ACOT13: variants seen among roughly 807,000 people sequenced by gnomAD.
The protein encoded by ACOT13 is acyl-CoA thioesterase 13.
A neutral mutation model predicts 11.8 loss-of-function variants in ACOT13; 10 were observed. The ratio of observed to expected loss-of-function variants is 0.85; its 90% CI spans 0.53 to 1.44. The LOEUF (loss-of-function observed/expected upper bound fraction) is 1.44, where lower values mean the gene tolerates loss of function less well. Among genes scored for constraint, ACOT13 ranks in the 40% most tolerant of loss-of-function variants. The pLI is 0.00. For synonymous variants in ACOT13, 53 were observed against 61.0 expected (o/e 0.87, Z 0.61); for missense variants, 172 against 174.1 (o/e 0.99, Z 0.07).
intron 1 of ACOT13, among the ~76,000 whole-genome samples, chr6:24,692,312 G>C (rs1426309590): frequency 6.6e-6 from 1 of 152,130 alleles, no homozygotes; most frequent in Non-Finnish European, 1.5e-5. Flanking sequence ...TTGTAGTTAG[G>C]TCATAGTTGA....
chr6:24,667,294 G>A lies in ACOT13; in HGVS notation c.31G>A (p.Val11Met), dbSNP rs1465630472. The A allele has an allele frequency of 6.2e-7, 1 of 1,614,126 alleles. No individual in the cohort carries two copies. Among genetic ancestry groups the A allele is most frequent in the African/African-American group, 1.3e-5 (1 of 74,954 alleles). The change falls in exon 1 of 3, where the codon GTG (valine) becomes ATG (methionine). Residue 11 changes from valine to methionine, a missense_variant. Val to Met is a conservative substitution (Grantham distance 21). Coordinates refer to ENST00000230048, the MANE Select transcript of ACOT13 (RefSeq NM_018473.4). ...CAGCATGACTCAGTCTCTGCGGGAG[G>A]TGATAAAGGCCATGACCAAGGCTCG... MTSMTQSLRE[V>M]IKAMTKARNF...
intron 1 of ACOT13, among the ~76,000 whole-genome samples, chr6:24,668,726 C>T (rs1424906445): frequency 6.6e-6 from 1 of 152,212 alleles, no homozygotes; most frequent in Non-Finnish European, 1.5e-5. Context: ...TATATGCAAA[C>T]GAAGACGTGG....
chr6:24,691,521 A>G (rs538391503), intron 1 of ACOT13, among the ~76,000 whole-genome samples: 7 of 152,268 alleles, frequency 4.6e-5, no homozygotes, highest in African/African-American at 1.7e-4. Flanking sequence ...TTGGTGCAGG[A>G]GAACTTAAAT....
At chr6:24,669,091 T>C (rs1778316173) in intron 1 of ACOT13, among the ~76,000 whole-genome samples, 1 of 152,238 alleles carries the variant, frequency 6.6e-6, no homozygotes, top group Non-Finnish European at 1.5e-5. Context: ...CTAAACCTTG[T>C]GAACCCCAAA....
intron 1 of ACOT13, among the ~76,000 whole-genome samples, chr6:24,693,405 G>T (rs1357710805): frequency 1.3e-5 from 2 of 152,208 alleles, no homozygotes; most frequent in African/African-American, 4.8e-5. Flanking sequence ...GTGGTGAGCT[G>T]CATAGCAGCC....
chr6:24,690,254 A>T (rs1329221058), intron 1 of ACOT13, among the ~76,000 whole-genome samples: 2 of 152,208 alleles, frequency 1.3e-5, no homozygotes, highest in Non-Finnish European at 2.9e-5. Flanking sequence ...CAATTGCAAA[A>T]ATTCTACACA....
intron 1 of ACOT13, among the ~76,000 whole-genome samples, chr6:24,677,880 CCCTTGTG>C (rs1778482395): frequency 6.6e-6 from 1 of 152,194 alleles, no homozygotes; most frequent in South Asian, 2.1e-4. Context: ...TCACTGAGGG[CCCTTGTG>C]CCTTTGGATA....
rs1024045046 is a variant in ACOT13 at position 24,704,887 on chromosome 6, G to A, written c.*3272G>A. On this transcript the variant is annotated 3_prime_UTR_variant, in exon 3 of 3. Coordinates refer to ENST00000230048, the MANE Select transcript of ACOT13 (RefSeq NM_018473.4). ...TTGTGTATTCACCTGAATAGTCAGG[G>A]AACTTTCACCTATTTTATTTAGGTT... is the stretch of plus-strand genomic sequence containing the variant. 6.6e-6 allele frequency: 1 copy of A among 152,106 alleles called. No individual in the cohort carries two copies. The highest frequency in any genetic ancestry group is 1.5e-5 in the Non-Finnish European group (1 of 67,992). The allele number at this position is 152,106 out of a possible 1,614,324, so 9.4% of individuals were successfully genotyped here.
At chr6:24,692,651 T>C (rs2127627117) in intron 1 of ACOT13, among the ~76,000 whole-genome samples, 2 of 152,334 alleles carry the variant, frequency 1.3e-5, no homozygotes, top group Middle Eastern at 3.4e-3. Context: ...ACTCCTGGGC[T>C]CAAGCAATCC....
intron 2 of ACOT13, chr6:24,701,210 A>G (rs1778886244): frequency 6.9e-6 from 2 of 288,444 alleles, no homozygotes; most frequent in Non-Finnish European, 1.3e-5. Context: ...ATGTAAAGGG[A>G]AAAAAGGGGA....
At chr6:24,691,102 AG>A (rs1437694230) in intron 1 of ACOT13, among the ~76,000 whole-genome samples, 1 of 152,202 alleles carries the variant, frequency 6.6e-6, no homozygotes, top group Non-Finnish European at 1.5e-5. Context: ...GCCTAGTGGA[AG>A]GTGCCCAGTT....
At chr6:24,678,620 C>T (rs1778495281) in intron 1 of ACOT13, among the ~76,000 whole-genome samples, 1 of 152,162 alleles carries the variant, frequency 6.6e-6, no homozygotes, top group African/African-American at 2.4e-5. Flanking sequence ...TAATTCCTTC[C>T]TCAAGCAGGG....
chr6:24,690,838 T>C (rs1039896943), intron 1 of ACOT13, among the ~76,000 whole-genome samples: 1 of 152,228 alleles, frequency 6.6e-6, no homozygotes, highest in Non-Finnish European at 1.5e-5. Flanking sequence ...TCCTCTACCC[T>C]TGCCCCATTT....
chr6:24,681,879 G>A (rs961032838), intron 1 of ACOT13, among the ~76,000 whole-genome samples: 15 of 152,220 alleles, frequency 9.9e-5, no homozygotes, highest in African/African-American at 2.7e-4. Context: ...CAAGAAAGTC[G>A]TGGTCAGGAC....
chr6:24,698,180 TCC>T, intron 2 of ACOT13, 113 bp downstream of exon 2: 1 of 930,460 alleles, frequency 1.1e-6, no homozygotes, highest in Non-Finnish European at 1.5e-6. Context: ...GCTGCTTATC[TCC>T]TTAACTGCAC....
chr6:24,680,459 T>G (rs1372497083), intron 1 of ACOT13, among the ~76,000 whole-genome samples: 1 of 152,058 alleles, frequency 6.6e-6, no homozygotes, highest in African/African-American at 2.4e-5. Flanking sequence ...GCACCCCTAG[T>G]CATTTTCCGA....
At chr6:24,681,577 C>T (rs1778550924) in intron 1 of ACOT13, among the ~76,000 whole-genome samples, 1 of 60,104 alleles carries the variant, frequency 1.7e-5, no homozygotes. Flanking sequence ...CCTCTCTCTC[C>T]GTCTCTCTCT....
At chr6:24,669,315 G>C (rs150930743) in intron 1 of ACOT13, among the ~76,000 whole-genome samples, 2 of 152,144 alleles carry the variant, frequency 1.3e-5, no homozygotes, top group African/African-American at 4.8e-5. Flanking sequence ...AACTTGAAGC[G>C]GGAAGGGGGC....
In ACOT13 at chr6:24,701,529, C is replaced by G; in HGVS notation, c.337C>G (p.Leu113Val). The G allele has an allele frequency of 6.2e-7, 1 of 1,614,068 alleles. No homozygotes were observed. The highest frequency in any genetic ancestry group is 2.2e-5 in the East Asian group (1 of 44,872). ...TAHVLKQGKT[L>V]AFTSVDLTNK... ...ACATGTTCTGAAGCAAGGAAAAACACTTGCATTTACCTCTGTGGATCTGAC... is the reference window on the plus strand; with the variant it reads ...ACATGTTCTGAAGCAAGGAAAAACAGTTGCATTTACCTCTGTGGATCTGAC... The change falls in exon 3 of 3, where the codon CTT becomes GTT. Residue 113 changes from leucine (L) to valine (V), a missense_variant. Physicochemically the swap from Leu to Val is conservative, Grantham distance 32. Coordinates refer to ENST00000230048, the MANE Select transcript of ACOT13 (RefSeq NM_018473.4).
Sources: gnomAD v4.1 joint callset for allele counts (sites outside exome capture counted in the v4.1 genomes callset) on GRCh38, gnomAD v4.1.1 for gene constraint, MANE v1.5 for transcripts, NCBI Gene and HGNC (gene_info 2026-07-23, HGNC 2026-07-21) for gene names.